LRRTM4: variants seen among roughly 807,000 people sequenced by gnomAD.
The protein encoded by LRRTM4 is leucine rich repeat transmembrane neuronal 4.
Under a neutral mutation model 47.6 loss-of-function variants are expected in LRRTM4, and 25 were observed. The observed-to-expected ratio is 0.53, with a 90% CI of 0.38 to 0.73. The LOEUF (loss-of-function observed/expected upper bound fraction) is 0.73, where lower values mean the gene tolerates loss of function less well. LRRTM4 is among the 30% of genes least tolerant of loss of function. LRRTM4 has a pLI of 0.00. For synonymous variants in LRRTM4, 311 were observed against 269.5 expected, an observed-to-expected ratio of 1.15 and a Z score of -1.51; for missense variants, 638 against 713.4, an observed-to-expected ratio of 0.89 and a Z score of 1.20.
chr2:77,001,065 T>G, intron 3 of LRRTM4, among the ~76,000 whole-genome samples: 1 of 152,150 alleles, frequency 6.6e-6, no homozygotes, highest in East Asian at 1.9e-4. Context: ...AAAAATGTGT[T>G]CAGTATATTT....
chr2:77,213,759 C>T (rs1391393412), intron 3 of LRRTM4, among the ~76,000 whole-genome samples: 1 of 152,090 alleles, frequency 6.6e-6, no homozygotes, highest in South Asian at 2.1e-4. Flanking sequence ...TATGCCAGCT[C>T]CCTTCCTTTC....
At chr2:76,760,861 G>A (rs1002982587) in intron 3 of LRRTM4, among the ~76,000 whole-genome samples, 3 of 152,112 alleles carry the variant, frequency 2.0e-5, no homozygotes, top group South Asian at 2.1e-4. Context: ...CTGCCACCCC[G>A]ATTCAGAAGC....
chr2:77,350,043 C>G (rs1185356384), intron 3 of LRRTM4, among the ~76,000 whole-genome samples: 1 of 151,974 alleles, frequency 6.6e-6, no homozygotes, highest in Non-Finnish European at 1.5e-5. Context: ...GAAATGCTGG[C>G]CGGGCGCGGT....
chr2:77,086,296 C>T (rs796502441), intron 3 of LRRTM4, among the ~76,000 whole-genome samples: 6 of 152,186 alleles, frequency 3.9e-5, no homozygotes, highest in African/African-American at 9.6e-5. Context: ...ACATCACTGA[C>T]GTAATAAAGC....
intron 3 of LRRTM4, among the ~76,000 whole-genome samples, chr2:77,170,690 G>A (rs1408901325): frequency 6.6e-6 from 1 of 152,052 alleles, no homozygotes. Context: ...TTCTGTTTTT[G>A]CACATGGTTT....
At chr2:77,432,701 C>T (rs1479563669) in intron 3 of LRRTM4, among the ~76,000 whole-genome samples, 3 of 152,112 alleles carry the variant, frequency 2.0e-5, no homozygotes, top group African/African-American at 4.8e-5. Flanking sequence ...AGATTACAGA[C>T]ACATATGCAT....
intron 3 of LRRTM4, among the ~76,000 whole-genome samples, chr2:77,379,239 C>T (rs972262791): frequency 2.0e-5 from 3 of 152,042 alleles, no homozygotes; most frequent in Admixed American, 1.3e-4. Flanking sequence ...TCACCCTCCC[C>T]TGTTTTGGCG....
intron 3 of LRRTM4, among the ~76,000 whole-genome samples, chr2:77,046,984 C>T (rs1679256855): frequency 6.6e-6 from 1 of 151,992 alleles, no homozygotes; most frequent in Non-Finnish European, 1.5e-5. Context: ...GCTCCTCTCT[C>T]GGAGCAAATG....
intron 3 of LRRTM4, among the ~76,000 whole-genome samples, chr2:76,997,719 T>G (rs1043012881): frequency 4.6e-5 from 7 of 152,116 alleles, no homozygotes; most frequent in Non-Finnish European, 1.0e-4. Flanking sequence ...CACAGAGCAG[T>G]ACCAGTCCAT....
intron 3 of LRRTM4, among the ~76,000 whole-genome samples, chr2:76,835,610 T>A (rs951599931): frequency 6.6e-6 from 1 of 152,080 alleles, no homozygotes; most frequent in Admixed American, 6.6e-5. Flanking sequence ...TCAGAATTGG[T>A]CTCAAATTAT....
At chr2:76,889,178 T>C (rs1016499294) in intron 3 of LRRTM4, among the ~76,000 whole-genome samples, 1 of 151,502 alleles carries the variant, frequency 6.6e-6, no homozygotes, top group East Asian at 1.9e-4. Flanking sequence ...AGATTAACTG[T>C]AATTAATGTA....
intron 3 of LRRTM4, among the ~76,000 whole-genome samples, chr2:77,211,032 C>T (rs1041668936): frequency 6.6e-5 from 10 of 152,058 alleles, no homozygotes; most frequent in African/African-American, 2.2e-4. Flanking sequence ...CCCCTGTACC[C>T]CTGTGGTGTT....
intron 3 of LRRTM4, among the ~76,000 whole-genome samples, chr2:77,449,276 T>C (rs1196881484): frequency 6.6e-6 from 1 of 152,216 alleles, no homozygotes; most frequent in Non-Finnish European, 1.5e-5. Context: ...TTCATTGGCA[T>C]AAGCTTTAGA....
intron 3 of LRRTM4, among the ~76,000 whole-genome samples, chr2:76,920,805 A>G (rs1674409017): frequency 6.6e-6 from 1 of 152,130 alleles, no homozygotes; most frequent in South Asian, 2.1e-4. Flanking sequence ...CCCCATTATT[A>G]TAGGTCCTAT....
At chr2:77,075,438 T>C (rs933296460) in intron 3 of LRRTM4, among the ~76,000 whole-genome samples, 3 of 152,114 alleles carry the variant, frequency 2.0e-5, no homozygotes, top group African/African-American at 7.2e-5. Flanking sequence ...TTCACAGAAG[T>C]TTGTGTCTTG....
intron 3 of LRRTM4, among the ~76,000 whole-genome samples, chr2:76,804,797 T>G (rs998223633): frequency 6.6e-6 from 1 of 150,558 alleles, no homozygotes; most frequent in Admixed American, 6.7e-5. Flanking sequence ...TATATCATTG[T>G]TTTATAACAA....
chr2:77,260,190 T>A (rs929129405), intron 3 of LRRTM4, among the ~76,000 whole-genome samples: 4 of 152,032 alleles, frequency 2.6e-5, no homozygotes, highest in Non-Finnish European at 4.4e-5. Flanking sequence ...TTTACAAATA[T>A]GTGGGCAAGG....
intron 3 of LRRTM4, among the ~76,000 whole-genome samples, chr2:76,993,834 G>A (rs1176759437): frequency 2.6e-5 from 4 of 151,906 alleles, no homozygotes; most frequent in Non-Finnish European, 4.4e-5. Context: ...ATTCACAATA[G>A]GAAAGATATG....
chr2:76,896,369 A>C (rs1673417324), intron 3 of LRRTM4, among the ~76,000 whole-genome samples: 1 of 152,062 alleles, frequency 6.6e-6, no homozygotes. Context: ...CTTCAACTTG[A>C]GTGCAAAAAT....
Sources: allele counts gnomAD v4.1 joint callset (sites outside exome capture counted in the v4.1 genomes callset), GRCh38; gene constraint gnomAD v4.1.1; transcripts MANE v1.5; gene names NCBI Gene and HGNC (gene_info 2026-07-23, HGNC 2026-07-21).